GRK3: variants seen among roughly 807,000 people sequenced by gnomAD.
GRK3 encodes G protein-coupled receptor kinase 3.
A neutral mutation model predicts 95.7 loss-of-function variants in GRK3; 54 were observed. The ratio of observed to expected loss-of-function variants is 0.56; its 90% CI spans 0.45 to 0.71. The LOEUF (loss-of-function observed/expected upper bound fraction) is 0.71, where lower values mean the gene tolerates loss of function less well. GRK3 is among the 30% of genes least tolerant of loss of function. The pLI, the probability that GRK3 is intolerant of heterozygous loss-of-function variation, is 0.00. For missense variants in GRK3, 649 were observed against 851.2 expected (o/e 0.76, Z 2.96); for synonymous variants, 281 against 290.8 (o/e 0.97, Z 0.34).
chr22:25,680,116 T>A (rs1490948361), intron 9 of GRK3, among the ~76,000 whole-genome samples: 1 of 152,206 alleles, frequency 6.6e-6, no homozygotes, highest in African/African-American at 2.4e-5. Context: ...CATTAAAGTG[T>A]TTCTGGAAGA....
chr22:25,621,042 G>A lies in GRK3; in HGVS notation c.190+16589G>A, dbSNP rs536881021. On this transcript the variant is annotated intron_variant, in intron 2 of 20. Coordinates refer to ENST00000324198, the MANE Select transcript of GRK3 (RefSeq NM_005160.4). ...GTAGATTTTCCTTTACTATACTAGA[G>A]GTGTTCATCCAAAAGCAGCATGTTT... 2.6e-5 allele frequency among the ~76,000 whole-genome samples: 4 copies of A among 152,316 alleles called. No homozygotes were observed. In the South Asian group the frequency reaches 8.3e-4, roughly 32 times the overall value.
At chr22:25,647,298 G>A in intron 3 of GRK3, 1 of 1,181,696 alleles carries the variant, frequency 8.5e-7, no homozygotes, top group Non-Finnish European at 1.3e-6. Context: ...CAAAAGTCCA[G>A]CCATTAAATA....
rs971324802 is a variant in GRK3, at chr22:25,564,680, G to A, written c.-361G>A. ...AGGGGAGGGCGACCGTAGAGACTTGGTCGGGAGGCGCCGGCCCAGCGAGGC... is the reference window on the plus strand; with the variant it reads ...AGGGGAGGGCGACCGTAGAGACTTGATCGGGAGGCGCCGGCCCAGCGAGGC... On this transcript the variant is annotated 5_prime_UTR_variant, in exon 1 of 21. Coordinates refer to ENST00000324198, the MANE Select transcript of GRK3 (RefSeq NM_005160.4). 1.3e-5 allele frequency among the ~76,000 whole-genome samples: 2 copies of A among 151,594 alleles called. No individual in the cohort carries two copies. The highest frequency in any genetic ancestry group is 6.6e-5 in the Admixed American group (1 of 15,264).
At chr22:25,706,704 G>A (rs977031686) in intron 15 of GRK3, among the ~76,000 whole-genome samples, 2 of 152,050 alleles carry the variant, frequency 1.3e-5, no homozygotes, top group African/African-American at 4.8e-5. Context: ...CTAATGTTTA[G>A]TAGAGATGGG....
At chr22:25,685,602 G>A (rs1424864542) in intron 10 of GRK3, among the ~76,000 whole-genome samples, 1 of 152,146 alleles carries the variant, frequency 6.6e-6, no homozygotes, top group Non-Finnish European at 1.5e-5. Flanking sequence ...AAGAATATAG[G>A]CCAAAGATAG....
chr22:25,632,347 A>C (rs1446700893), intron 2 of GRK3, among the ~76,000 whole-genome samples: 2 of 152,150 alleles, frequency 1.3e-5, no homozygotes, highest in South Asian at 4.1e-4. Context: ...TTCTTTGGTG[A>C]AAGTGTGTTC....
rs1005491210 is a variant in GRK3, at chr22:25,722,361, C to T, written c.1978C>T (p.Arg660Cys). ...CAAGGAGGCCCAGCGGCTATTGCGT[C>T]GTGCCCCGAAGTTCCTCAACAAACC... Reference protein sequence around the residue: ...TFKEAQRLLRRAPKFLNKPRS... With the variant: ...TFKEAQRLLRCAPKFLNKPRS... The change falls in exon 21 of 21, where the codon CGT becomes TGT. Residue 660 changes from arginine (R) to cysteine (C), a missense_variant. Physicochemically the swap from Arg to Cys is radical, Grantham distance 180 (BLOSUM62 -3). Around this residue, in one of 3 missense-constraint regions of GRK3, gnomAD observed 382 missense variants for 493.8 expected, o/e 0.77. Transcript: ENST00000324198. 3.1e-6 allele frequency: 5 copies of T among 1,614,056 alleles called. No individual in the cohort carries two copies. The highest frequency in any genetic ancestry group is 2.2e-5 in the East Asian group (1 of 44,892).
Position 25,575,978 on chromosome 22 carries a change from T to C in GRK3, c.113+10825T>C, listed in dbSNP as rs371055566. On this transcript the variant is annotated intron_variant, in intron 1 of 20. Coordinates refer to ENST00000324198, the MANE Select transcript of GRK3 (RefSeq NM_005160.4). ...GCCTGACTAAATTATTCTCTTCCTATAGGCCTCTGGTTCTTATTTTAAGAT... is the reference window on the plus strand; with the variant it reads ...GCCTGACTAAATTATTCTCTTCCTACAGGCCTCTGGTTCTTATTTTAAGAT... 4.6e-5 allele frequency among the ~76,000 whole-genome samples: 7 copies of C among 152,380 alleles called. No homozygotes were observed. In the East Asian group the frequency reaches 7.7e-4, roughly 17 times the overall value.
At chr22:25,689,543 A>G (rs762400074) in intron 11 of GRK3, among the ~76,000 whole-genome samples, 46 of 152,170 alleles carry the variant, frequency 3.0e-4, no homozygotes, top group Non-Finnish European at 5.9e-4. Context: ...TATCCGAGAG[A>G]CTAGGTTTGT....
intron 3 of GRK3, among the ~76,000 whole-genome samples, chr22:25,650,433 T>C (rs1237313858): frequency 6.6e-6 from 1 of 152,154 alleles, no homozygotes; most frequent in Non-Finnish European, 1.5e-5. Context: ...AAGAGCACTT[T>C]TAAAAAAATA....
intron 13 of GRK3, among the ~76,000 whole-genome samples, chr22:25,698,549 GA>G (rs2085229622): frequency 6.6e-6 from 1 of 152,212 alleles, no homozygotes; most frequent in East Asian, 1.9e-4. Flanking sequence ...GGGAGCAGGG[GA>G]AATACCAGCT....
intron 12 of GRK3, among the ~76,000 whole-genome samples, 192 bp from the exon 13 acceptor site, chr22:25,694,915 A>G (rs1022824836): frequency 2.6e-5 from 4 of 152,210 alleles, no homozygotes; most frequent in African/African-American, 9.6e-5. Context: ...TAATTCATAC[A>G]TGAGTGAAGG....
At chr22:25,618,221 C>T (rs1483800783) in intron 2 of GRK3, among the ~76,000 whole-genome samples, 2 of 152,254 alleles carry the variant, frequency 1.3e-5, no homozygotes, top group African/African-American at 4.8e-5. Context: ...TGAACATACA[C>T]TATCATTTCT....
intron 1 of GRK3, among the ~76,000 whole-genome samples, chr22:25,578,287 A>G (rs755429698): frequency 2.6e-5 from 4 of 152,152 alleles, no homozygotes; most frequent in Non-Finnish European, 5.9e-5. Context: ...TACCTGTTGT[A>G]TCAGAAAAAA....
intron 2 of GRK3, among the ~76,000 whole-genome samples, chr22:25,611,145 A>G (rs1431301571): frequency 2.6e-5 from 4 of 152,204 alleles, no homozygotes; most frequent in African/African-American, 9.7e-5. Flanking sequence ...TACAGGCATG[A>G]GCCACGGTGT....
At chr22:25,677,488 A>C (rs2085040975) in intron 8 of GRK3, among the ~76,000 whole-genome samples, 1 of 152,106 alleles carries the variant, frequency 6.6e-6, no homozygotes, top group African/African-American at 2.4e-5. Context: ...AAATTCTTTT[A>C]AATAAAAATA....
At chr22:25,693,375 CTGTAGATATCTAT>C (rs1329230869) in intron 12 of GRK3, among the ~76,000 whole-genome samples, 1 of 152,136 alleles carries the variant, frequency 6.6e-6, no homozygotes, top group East Asian at 1.9e-4. Flanking sequence ...CTTATTTATC[CTGTAGATATCTAT>C]TGTAGATATC....
intron 1 of GRK3, among the ~76,000 whole-genome samples, chr22:25,583,657 A>G (rs532031810): frequency 6.6e-6 from 1 of 152,306 alleles, no homozygotes; most frequent in East Asian, 1.9e-4. Context: ...GCTCAGGGTA[A>G]GGATGCAGCA....
chr22:25,597,487 G>A (rs1252411092), intron 1 of GRK3, among the ~76,000 whole-genome samples: 3 of 152,124 alleles, frequency 2.0e-5, no homozygotes, highest in Non-Finnish European at 4.4e-5. Flanking sequence ...TTGAGATAAT[G>A]GGTATGCTAA....
Sources: allele counts gnomAD v4.1 joint callset (sites outside exome capture counted in the v4.1 genomes callset), GRCh38; gene constraint gnomAD v4.1.1; regional missense constraint gnomAD v4.1.1; transcripts MANE v1.5; gene names NCBI Gene and HGNC (gene_info 2026-07-23, HGNC 2026-07-21).